The following SBF2 variants were observed in gnomAD, a reference collection of about 807,000 sequenced individuals.
The protein encoded by SBF2 is myotubularin-related protein 13.
SBF2 carries 112 observed loss-of-function variants against 225.2 expected under a neutral mutation model. The ratio of observed to expected loss-of-function variants is 0.50; its 90% confidence interval spans 0.43 to 0.58. The LOEUF is 0.58. Among genes scored for constraint, SBF2 ranks in the 20% least tolerant of loss-of-function variants. The pLI is 0.00. For missense variants in SBF2, 1,996 were observed against 2,206.2 expected (o/e 0.90, Z 1.91); for synonymous variants, 763 against 773.3 (o/e 0.99, Z 0.22).
At chr11:9,903,535 T>C (rs1039603615) in intron 16 of SBF2, among the ~76,000 whole-genome samples, 2 of 152,074 alleles carry the variant, frequency 1.3e-5, no homozygotes, top group Non-Finnish European at 2.9e-5. Flanking sequence ...CTGAGGGGCA[T>C]AAGGCATAAA....
chr11:9,854,791 A>G (rs1048055169), intron 19 of SBF2, among the ~76,000 whole-genome samples: 9 of 152,088 alleles, frequency 5.9e-5, no homozygotes, highest in Admixed American at 5.9e-4. Context: ...GGGTCTCACT[A>G]TGTTGCCCAG....
At chr11:10,191,506 C>A (rs747914712) in intron 2 of SBF2, among the ~76,000 whole-genome samples, 2 of 152,022 alleles carry the variant, frequency 1.3e-5, no homozygotes, top group Non-Finnish European at 2.9e-5. Flanking sequence ...ATTGAAATTG[C>A]GATCCATTAT....
At chr11:10,260,576 C>T (rs1209157085) in intron 1 of SBF2, among the ~76,000 whole-genome samples, 7 of 151,704 alleles carry the variant, frequency 4.6e-5, no homozygotes, top group East Asian at 1.9e-4. Context: ...ATTAGCTGGG[C>T]GTGGTGGCGG....
At chr11:9,851,479 A>G (rs1856949178) in intron 21 of SBF2, among the ~76,000 whole-genome samples, 3 of 152,212 alleles carry the variant, frequency 2.0e-5, no homozygotes, top group Non-Finnish European at 1.5e-5. Context: ...GTCCTTGGCC[A>G]CGTAATGAAC....
At chr11:9,984,384 A>G (rs1042052760) in intron 13 of SBF2, among the ~76,000 whole-genome samples, 2 of 152,154 alleles carry the variant, frequency 1.3e-5, no homozygotes, top group Non-Finnish European at 2.9e-5. Context: ...AAGACAAAGA[A>G]AAAAGGGTAA....
intron 17 of SBF2, among the ~76,000 whole-genome samples, chr11:9,868,195 T>C (rs538794743): frequency 2.6e-5 from 4 of 151,988 alleles, no homozygotes; most frequent in Non-Finnish European, 5.9e-5. Flanking sequence ...ACAATTGTTT[T>C]TTAAATGTAA....
In SBF2 at chr11:9,962,055, G is replaced by A. The variant is rs753815752; in HGVS notation, c.1762C>T (p.Leu588Phe). 8.1e-6 allele frequency: 13 copies of A among 1,613,982 alleles called. No individual in the cohort carries two copies. The highest frequency in any genetic ancestry group is 1.7e-5 in the Admixed American group (1 of 60,002). ...ALKGKAARQC[L>F]TDELGLHVQQ... ...ACATGCAAACCCAATTCATCAGTGA[G>A]ACACTGTCTTGCTGCCTTTCCTTTA... Residue 588 changes from leucine (L) to phenylalanine (F), a missense_variant, in exon 16 of 40, where the codon CTC becomes TTC. By Grantham distance (22) the Leu-to-Phe change is conservative. Coordinates refer to ENST00000256190, the MANE Select transcript of SBF2 (RefSeq NM_030962.4).
chr11:9,884,635 C>T (rs1008343936), intron 17 of SBF2, among the ~76,000 whole-genome samples: 1 of 152,132 alleles, frequency 6.6e-6, no homozygotes, highest in African/African-American at 2.4e-5. Flanking sequence ...AGAAGTCAAG[C>T]ATTTGCCACA....
intron 2 of SBF2, among the ~76,000 whole-genome samples, chr11:10,049,444 T>C (rs1949985252): frequency 6.6e-6 from 1 of 152,060 alleles, no homozygotes; most frequent in South Asian, 2.1e-4. Flanking sequence ...CCACTTCTAC[T>C]GAAAATATAA....
chr11:10,077,001 T>A (rs1404104887), intron 2 of SBF2, among the ~76,000 whole-genome samples: 1 of 152,028 alleles, frequency 6.6e-6, no homozygotes, highest in Non-Finnish European at 1.5e-5. Flanking sequence ...AGAGTACCTC[T>A]GGTTAACAAA....
At chr11:9,961,900 G>A (rs1161690038) in intron 16 of SBF2, 57 bp downstream of exon 16, 4 of 1,550,676 alleles carry the variant, frequency 2.6e-6, no homozygotes, top group Non-Finnish European at 2.7e-6. Context: ...AAAATATTCT[G>A]GAAAAATGAA....
chr11:10,018,069 G>A (rs1948716236), intron 6 of SBF2, among the ~76,000 whole-genome samples: 1 of 151,958 alleles, frequency 6.6e-6, no homozygotes, highest in Non-Finnish European at 1.5e-5. Context: ...GCAAGCAGTG[G>A]GGAAGAAGAA....
chr11:10,050,924 C>G (rs1233908000), intron 2 of SBF2, among the ~76,000 whole-genome samples: 1 of 152,078 alleles, frequency 6.6e-6, no homozygotes, highest in African/African-American at 2.4e-5. Flanking sequence ...GTAAATAAAA[C>G]CACAGAAAGC....
In SBF2 at chr11:9,823,500, G is replaced by C. The variant is rs532715325; in HGVS notation, c.3793+5856C>G. On this transcript the variant is annotated intron_variant, in intron 28 of 39. Coordinates refer to ENST00000256190, the MANE Select transcript of SBF2 (RefSeq NM_030962.4). ...GGCTAGGAAGAAGAACTAGGGGTTAGGGTAAAAAAAAAAAAAAAGAAGAAG... is the reference window on the plus strand; with the variant it reads ...GGCTAGGAAGAAGAACTAGGGGTTACGGTAAAAAAAAAAAAAAAGAAGAAG... 1.3e-4 allele frequency among the ~76,000 whole-genome samples: 19 copies of C among 148,738 alleles called. No homozygotes were observed. The East Asian group carries it at 2.5e-3, about 20-fold the overall frequency.
At chr11:9,874,072 A>G (rs1228609063) in intron 17 of SBF2, among the ~76,000 whole-genome samples, 1 of 151,220 alleles carries the variant, frequency 6.6e-6, no homozygotes, top group Non-Finnish European at 1.5e-5. Context: ...AAAAAAAAAG[A>G]GCATATTTCT....
At chr11:10,065,708 T>C (rs796952213) in intron 2 of SBF2, among the ~76,000 whole-genome samples, 3 of 152,228 alleles carry the variant, frequency 2.0e-5, no homozygotes, top group African/African-American at 7.2e-5. Context: ...TCCCAGCACT[T>C]TGGGAGGCCA....
intron 16 of SBF2, chr11:9,959,237 C>A: frequency 1.3e-6 from 1 of 776,280 alleles, no homozygotes; most frequent in East Asian, 2.4e-5. Context: ...TTAGTCCCTG[C>A]AATCTTGACT....
Position 9,967,970 on chromosome 11 carries a change from TCTATATATATATATATATATAAA to T in SBF2, c.1600+348_1600+370del, listed in dbSNP as rs1275645875. Among the ~76,000 whole-genome samples the T allele has an allele frequency of 1.3e-3, 118 of 87,770 alleles. 2 individuals carry two copies. In the East Asian group the frequency reaches 0.042, roughly 31 times the overall value. 57.6% of individuals were successfully genotyped at this position (87,770 alleles called of 152,430 possible). A position where few individuals can be genotyped will look rare whatever the true frequency, so the allele number is the denominator to read the frequency against. On this transcript the variant is annotated intron_variant, in intron 14 of 39. Coordinates refer to ENST00000256190, the MANE Select transcript of SBF2 (RefSeq NM_030962.4). Reference sequence around the variant, plus strand: ...CTGTCTCTCTCTCTCTCTCTCTCTCTCTATATATATATATATATATAAAATATATATATATTCTCAAATTAAAT... The same window carrying T: ...CTGTCTCTCTCTCTCTCTCTCTCTCTATATATATATATTCTCAAATTAAAT...
chr11:9,783,162 C>G, intron 38 of SBF2: 1 of 152,160 alleles, frequency 6.6e-6, no homozygotes, highest in East Asian at 1.9e-4. Flanking sequence ...ATGACATTCT[C>G]CTATGTTATA....
Sources: allele counts gnomAD v4.1 joint callset (sites outside exome capture counted in the v4.1 genomes callset), GRCh38; gene constraint gnomAD v4.1.1; transcripts MANE v1.5; gene names NCBI Gene and HGNC (gene_info 2026-07-23, HGNC 2026-07-21).